The following BFSP1 variants were observed in gnomAD, a reference collection of about 807,000 sequenced individuals.
BFSP1 encodes the protein beaded filament structural protein 1.
BFSP1 carries 38 observed loss-of-function variants against 43.9 expected under a neutral mutation model. The observed-to-expected ratio is 0.87, with a 90% CI of 0.67 to 1.14. The LOEUF is 1.14. Among genes scored for constraint, BFSP1 ranks in the 50% most tolerant of loss-of-function variants. BFSP1 has a pLI of 0.00. For synonymous variants in BFSP1, 352 were observed against 354.8 expected, an observed-to-expected ratio of 0.99 and a Z score of 0.09; for missense variants, 850 against 875.1, an observed-to-expected ratio of 0.97 and a Z score of 0.36.
chr20:17,499,765 T>C (rs1324164658), intron 5 of BFSP1, among the ~76,000 whole-genome samples: 1 of 151,892 alleles, frequency 6.6e-6, no homozygotes, highest in Non-Finnish European at 1.5e-5. Flanking sequence ...CTACTAAAAA[T>C]ACAAAAATTA....
chr20:17,514,639 T>C, intron 3 of BFSP1, 82 bp downstream of exon 3: 1 of 1,391,042 alleles, frequency 7.2e-7, no homozygotes. Flanking sequence ...AGCAGTCTGT[T>C]TTCAGCCACA....
chr20:17,502,232 C>G (rs2033821375), intron 5 of BFSP1, among the ~76,000 whole-genome samples: 1 of 151,946 alleles, frequency 6.6e-6, no homozygotes, highest in East Asian at 1.9e-4. Flanking sequence ...AGCACCTTAA[C>G]CAAGTGATCA....
chr20:17,529,375 C>A (rs2034486123), intron 1 of BFSP1, among the ~76,000 whole-genome samples: 1 of 152,088 alleles, frequency 6.6e-6, no homozygotes, highest in Admixed American at 6.5e-5. Context: ...TGCACCCAGC[C>A]CATAGTTAAA....
chr20:17,531,392 G>T (rs1020189418), upstream of BFSP1: 1 of 1,277,560 alleles, frequency 7.8e-7, no homozygotes, highest in Non-Finnish European at 9.9e-7. Flanking sequence ...CCCCGGCGCA[G>T]CCCGCAGCCC....
intron 1 of BFSP1, among the ~76,000 whole-genome samples, chr20:17,567,861 C>CAA (rs796434004): frequency 5.1e-5 from 3 of 58,264 alleles, no homozygotes; most frequent in Admixed American, 2.0e-4. Flanking sequence ...AACTCAGTCT[C>CAA]AAAAAAAAAA....
At chr20:17,497,102 G>GA (rs2033653291) in intron 6 of BFSP1, 79 bp from the exon 7 acceptor site, 18 of 1,189,686 alleles carry the variant, frequency 1.5e-5, no homozygotes, top group Middle Eastern at 2.0e-4. Flanking sequence ...GAGCAAAAAT[G>GA]AAAAAAAAGC....
rs76160395 is a variant in BFSP1, at chr20:17,512,315, G to A, written c.535-247C>T. Among the ~76,000 whole-genome samples the A allele has an allele frequency of 0.01, 1,557 of 152,230 alleles. 10 individuals carry two copies. Among genetic ancestry groups the A allele is most frequent in the South Asian group, 0.021 (99 of 4,810 alleles). On this transcript the variant is annotated intron_variant, in intron 3 of 7. Coordinates refer to ENST00000377873, the MANE Select transcript of BFSP1 (RefSeq NM_001195.5). The stretch of plus-strand genomic sequence containing the variant: ...TAATCTTCACAAGAACAACGGGGCC[G>A]ATGAATAAACTAAGACTTGCCTTAT...
chr20:17,498,640 G>A (rs539282385), intron 6 of BFSP1, among the ~76,000 whole-genome samples, 180 bp downstream of exon 6: 1 of 152,230 alleles, frequency 6.6e-6, no homozygotes, highest in South Asian at 2.1e-4. Flanking sequence ...CCTCAGCACT[G>A]GTCGTACCTT....
chr20:17,553,786 TATATATATACACACACACAC>T lies in BFSP1; in HGVS notation c.2+4882_2+4901del, dbSNP rs1370077115. On this transcript the variant is annotated intron_variant, in intron 1 of 7. Transcript: ENST00000377868. Reference sequence around the variant, plus strand: ...TTAAAAATATATAAACATATATATATATATATATACACACACACACACACACACACACACACACATATATA... The same window carrying T: ...TTAAAAATATATAAACATATATATATACACACACACACACACACATATATA... Among the ~76,000 whole-genome samples the T allele has an allele frequency of 5.9e-5, 4 of 67,910 alleles. No individual in the cohort carries two copies. The African/African-American group carries it at 6.1e-4, about 10-fold the overall frequency. The allele number at this position is 67,910 out of a possible 152,430, so 44.6% of individuals were successfully genotyped here. A position where few individuals can be genotyped will look rare whatever the true frequency, so the allele number is the denominator to read the frequency against.
chr20:17,521,108 T>C (rs2034311239), intron 2 of BFSP1, among the ~76,000 whole-genome samples: 1 of 152,166 alleles, frequency 6.6e-6, no homozygotes, highest in Non-Finnish European at 1.5e-5. Flanking sequence ...TTCATACGTA[T>C]ATATTTGGTG....
At chr20:17,553,828 T>TATATAC (rs1568717967) in intron 1 of BFSP1, among the ~76,000 whole-genome samples, 11 of 104,042 alleles carry the variant, frequency 1.1e-4, no homozygotes, top group Non-Finnish European at 1.4e-4. Context: ...CACACACATA[T>TATATAC]ATATATATAC....
At chr20:17,545,482 G>T (rs911720177) in intron 1 of BFSP1, among the ~76,000 whole-genome samples, 3 of 152,220 alleles carry the variant, frequency 2.0e-5, no homozygotes. Flanking sequence ...GAGGGGGCCG[G>T]GCACGGTGGC....
At chr20:17,517,219 G>A (rs1247712897) in intron 2 of BFSP1, 1 of 924,356 alleles carries the variant, frequency 1.1e-6, no homozygotes, top group East Asian at 2.4e-5. Context: ...GATGAATGTG[G>A]TGCTGGAGTG....
intron 1 of BFSP1, 82 bp from the exon 2 acceptor site, chr20:17,524,990 ACCTGGGTACGATGC>A: frequency 1.6e-6 from 2 of 1,251,058 alleles, no homozygotes; most frequent in Middle Eastern, 1.9e-4. Flanking sequence ...ATTAAATTCA[ACCTGGGTACGATGC>A]CCTCTCCTTT....
At chr20:17,543,723 T>C (rs1178744192) in intron 1 of BFSP1, among the ~76,000 whole-genome samples, 1 of 152,194 alleles carries the variant, frequency 6.6e-6, no homozygotes, top group Non-Finnish European at 1.5e-5. Flanking sequence ...TTATGAAATA[T>C]GTACCAGTGA....
rs7264878 is a variant in BFSP1, at chr20:17,528,536, G to A, written c.377+2417C>T. On this transcript the variant is annotated intron_variant, in intron 1 of 7. Coordinates refer to ENST00000377873, the MANE Select transcript of BFSP1 (RefSeq NM_001195.5). ...GAGAACATGAGCTTCATCTGAATGA[G>A]GTCCTATTTCTGGGCCTTAGGCTGC... is the stretch of plus-strand genomic sequence containing the variant. 9.2e-3 allele frequency among the ~76,000 whole-genome samples: 1,394 copies of A among 152,264 alleles called. 30 individuals are homozygous for A. The highest frequency in any genetic ancestry group is 0.031 in the African/African-American group (1,307 of 41,552).
At chr20:17,512,578 G>A (rs2123489509) in intron 3 of BFSP1, among the ~76,000 whole-genome samples, 1 of 152,268 alleles carries the variant, frequency 6.6e-6, no homozygotes, top group Middle Eastern at 3.4e-3. Flanking sequence ...TTAGCTATGT[G>A]TTGTGGTGTG....
rs117458003 is a variant in BFSP1, at chr20:17,564,584, A to T, written n.51-1489T>A. Among the ~76,000 whole-genome samples, 37 of 151,664 alleles carry T rather than the reference A, an allele frequency of 2.4e-4. No individual in the cohort carries two copies. In the East Asian group the frequency reaches 6.6e-3, roughly 27 times the overall value. On this transcript the variant is annotated intron_variant and non_coding_transcript_variant, in intron 1 of 6. Transcript: ENST00000473415. Reference sequence around the variant, plus strand: ...ACTTCTTTGATTCATTTAAACTACTACTTCTTCTTCTTCTTTTTTTTTGAG... The same window carrying T: ...ACTTCTTTGATTCATTTAAACTACTTCTTCTTCTTCTTCTTTTTTTTTGAG...
intron 2 of BFSP1, 56 bp downstream of exon 2, chr20:17,524,792 C>T: frequency 6.4e-7 from 1 of 1,566,110 alleles, no homozygotes; most frequent in Non-Finnish European, 8.8e-7. Flanking sequence ...GCACTTCCAC[C>T]ATTCCATTCA....
Sources: allele counts gnomAD v4.1 joint callset (sites outside exome capture counted in the v4.1 genomes callset), GRCh38; gene constraint gnomAD v4.1.1; transcripts MANE v1.5; gene names NCBI Gene and HGNC (gene_info 2026-07-23, HGNC 2026-07-21).